CACNA1A: variants seen among roughly 807,000 people sequenced by gnomAD.
CACNA1A encodes the protein calcium voltage-gated channel subunit alpha1 A.
Under a neutral mutation model 262.4 loss-of-function variants are expected in CACNA1A, and 57 were observed. The observed-to-expected ratio is 0.22, with a 90% CI of 0.18 to 0.27. The LOEUF (loss-of-function observed/expected upper bound fraction) is 0.27. Ranked by LOEUF, CACNA1A falls within the 10% of genes least tolerant of loss-of-function variation. CACNA1A has a pLI of 1.00. For missense variants in CACNA1A, 2,526 were observed against 3,562.8 expected (o/e 0.71, Z 7.41); for synonymous variants, 1,431 against 1,419.3 (o/e 1.01, Z -0.18).
At chr19:13,430,002 G>A (rs1475418972) in intron 3 of CACNA1A, among the ~76,000 whole-genome samples, 2 of 117,944 alleles carry the variant, frequency 1.7e-5, no homozygotes, top group African/African-American at 3.2e-5. Flanking sequence ...AGTGGGGAGG[G>A]GGGAAGGGGG....
At chr19:13,402,873 C>CACACATAT (rs1201892162) in intron 3 of CACNA1A, among the ~76,000 whole-genome samples, 60 of 72,778 alleles carry the variant, frequency 8.2e-4, no homozygotes, top group Admixed American at 1.7e-3. Flanking sequence ...CACACACACA[C>CACACATAT]ATATATATAT....
intron 1 of CACNA1A, among the ~76,000 whole-genome samples, chr19:13,492,055 C>G (rs10404314): frequency 0.73 from 110,843 of 152,068 alleles, 41,401 homozygotes; most frequent in African/African-American, 0.9. Flanking sequence ...TGAGGAAAGG[C>G]AGGCCCAGGG....
Position 13,259,638 on chromosome 19 carries a change from A to G in CACNA1A, c.4314T>C (p.Tyr1438=), listed in dbSNP as rs770679527. ...VKARDREWKK[Y]EFHYDNVLWA... ...ACAGCACATTGTCGTAATGGAATTC[A>G]TACTTCTTCCACTCCCGGTCTCGCG... The change falls in exon 27 of 47, where the codon TAT becomes TAC. Residue 1438 remains tyrosine (Y), a synonymous_variant. Coordinates refer to ENST00000360228, the MANE Select transcript of CACNA1A (RefSeq NM_001127222.2). The G allele has an allele frequency of 2.5e-6, 4 of 1,610,774 alleles. No individual in the cohort carries two copies. Among genetic ancestry groups the G allele is most frequent in the Non-Finnish European group, 3.4e-6 (4 of 1,178,666 alleles).
At position 13,214,124 on chromosome 19, in the gene CACNA1A, C is replaced by T; in HGVS notation, c.5940+109G>A. 1.2e-6 allele frequency: 1 copy of T among 847,820 alleles called. No individual in the cohort carries two copies. Among genetic ancestry groups the T allele is most frequent in the Non-Finnish European group, 1.9e-6 (1 of 530,968 alleles). 52.5% of individuals were successfully genotyped at this position (847,820 alleles called of 1,614,324 possible). A position where few individuals can be genotyped will look rare whatever the true frequency, so the allele number is the denominator to read the frequency against. On this transcript the variant is annotated intron_variant, in intron 40 of 46. Coordinates refer to ENST00000360228, the MANE Select transcript of CACNA1A (RefSeq NM_001127222.2). This position sits in a 1 kb window ranked among gnomAD's most constrained non-coding sequence, Gnocchi z 4.1. ...GCTGCTGTGCACAGCCCCTACTTTT[C>T]AGGGACCTGCCCTGGGGCTCAGCCA... is the stretch of plus-strand genomic sequence containing the variant.
chr19:13,281,587 A>G (rs866267725), intron 22 of CACNA1A, among the ~76,000 whole-genome samples: 1 of 151,658 alleles, frequency 6.6e-6, no homozygotes, highest in African/African-American at 2.4e-5. Flanking sequence ...CACCCACCAG[A>G]TGCCAGGAGC....
intron 10 of CACNA1A, among the ~76,000 whole-genome samples, chr19:13,328,503 T>G (rs1306173029): frequency 6.6e-6 from 1 of 152,206 alleles, no homozygotes; most frequent in Non-Finnish European, 1.5e-5. Context: ...CATGAACATA[T>G]GCATACTTGG....
At chr19:13,265,725 A>G (rs2056846485) in intron 24 of CACNA1A, among the ~76,000 whole-genome samples, 1 of 152,114 alleles carries the variant, frequency 6.6e-6, no homozygotes, top group African/African-American at 2.4e-5. Flanking sequence ...CTTTTGCGAG[A>G]AAGGAAGCCT....
chr19:13,353,974 G>A (rs2058959995), intron 6 of CACNA1A, among the ~76,000 whole-genome samples: 1 of 152,144 alleles, frequency 6.6e-6, no homozygotes, highest in African/African-American at 2.4e-5. Flanking sequence ...TGCTTTCTGG[G>A]TGATTGATTA....
At chr19:13,227,232 A>G (rs1055166209) in intron 37 of CACNA1A, 199 bp downstream of exon 37, 8 of 351,242 alleles carry the variant, frequency 2.3e-5, no homozygotes, top group Admixed American at 4.6e-5. Flanking sequence ...GGACGGACAC[A>G]GTGTGCTGCT....
chr19:13,434,854 A>T (rs149376138), intron 3 of CACNA1A, among the ~76,000 whole-genome samples: 1,703 of 152,046 alleles, frequency 0.011, 25 homozygotes, highest in African/African-American at 0.038. Context: ...CAGTGGCATA[A>T]TCATTGCTCA....
At chr19:13,248,362 G>C (rs564829656) in intron 30 of CACNA1A, among the ~76,000 whole-genome samples, 1 of 144,906 alleles carries the variant, frequency 6.9e-6, no homozygotes, top group South Asian at 2.2e-4. Flanking sequence ...AACTGCTTGA[G>C]GCCACGAGTT....
chr19:13,486,381 T>C (rs554558268), intron 1 of CACNA1A, among the ~76,000 whole-genome samples: 9 of 118,886 alleles, frequency 7.6e-5, no homozygotes, highest in African/African-American at 3.4e-4. Flanking sequence ...TCTCTCTCTC[T>C]CTCTGTCTGT....
chr19:13,218,446 G>A (rs549541520), intron 38 of CACNA1A, among the ~76,000 whole-genome samples: 15 of 152,162 alleles, frequency 9.9e-5, no homozygotes, highest in Non-Finnish European at 1.3e-4. Context: ...TACACGGTGC[G>A]TGTTGTCACA....
intron 3 of CACNA1A, among the ~76,000 whole-genome samples, chr19:13,387,108 C>T (rs1184059364): frequency 6.6e-6 from 1 of 152,020 alleles, no homozygotes; most frequent in African/African-American, 2.4e-5. Context: ...TGCGCCACCA[C>T]GCCTGGCTAA....
intron 6 of CACNA1A, among the ~76,000 whole-genome samples, chr19:13,355,624 T>C (rs2058995321): frequency 6.6e-6 from 1 of 152,014 alleles, no homozygotes; most frequent in South Asian, 2.1e-4. Context: ...CTCCAGGCAC[T>C]GGATGGGGGC....
At chr19:13,385,045 A>G (rs1287530681) in intron 3 of CACNA1A, among the ~76,000 whole-genome samples, 1 of 152,076 alleles carries the variant, frequency 6.6e-6, no homozygotes, top group Non-Finnish European at 1.5e-5. Flanking sequence ...ATGGCTATTT[A>G]AATACAGATT....
At chr19:13,309,326 A>G (rs1475748429) in intron 12 of CACNA1A, among the ~76,000 whole-genome samples, 1 of 151,982 alleles carries the variant, frequency 6.6e-6, no homozygotes, top group Non-Finnish European at 1.5e-5. Flanking sequence ...ATTTATTAAG[A>G]GCTCCCACAG....
chr19:13,432,380 A>G (rs570067689), intron 3 of CACNA1A, among the ~76,000 whole-genome samples: 1 of 151,668 alleles, frequency 6.6e-6, no homozygotes, highest in Non-Finnish European at 1.5e-5. Context: ...GCACCATTGC[A>G]CTCCAGACTG....
intron 8 of CACNA1A, among the ~76,000 whole-genome samples, 200 bp from the exon 9 acceptor site, chr19:13,333,125 C>T (rs1189949675): frequency 6.6e-6 from 1 of 152,108 alleles, no homozygotes; most frequent in Non-Finnish European, 1.5e-5. Flanking sequence ...ACATTCTCCC[C>T]ACCTCGCGCA....
Sources: allele counts gnomAD v4.1 joint callset (sites outside exome capture counted in the v4.1 genomes callset), GRCh38; gene constraint gnomAD v4.1.1; non-coding constraint Gnocchi (gnomAD v3.1); transcripts MANE v1.5; gene names NCBI Gene and HGNC (gene_info 2026-07-23, HGNC 2026-07-21).